SLC24A1: variants seen among roughly 807,000 people sequenced by gnomAD.
SLC24A1 encodes the protein sodium/potassium/calcium exchanger 1.
Under a neutral mutation model 88.1 loss-of-function variants are expected in SLC24A1, and 52 were observed. The observed-to-expected ratio is 0.59, with a 90% CI of 0.47 to 0.74. The LOEUF (loss-of-function observed/expected upper bound fraction) is 0.74, where lower values mean the gene tolerates loss of function less well. Ranked by LOEUF, SLC24A1 falls within the 30% of genes least tolerant of loss-of-function variation. The pLI, the probability that SLC24A1 is intolerant of heterozygous loss-of-function variation, is 0.00. For missense variants in SLC24A1, 1,173 were observed against 1,363.3 expected (o/e 0.86, Z 2.20); for synonymous variants, 455 against 498.0 (o/e 0.91, Z 1.15).
At chr15:65,619,551 AAAAAGAAAT>A (rs897993748), upstream of SLC24A1, among the ~76,000 whole-genome samples, 10 of 152,214 alleles carry the variant, frequency 6.6e-5, no homozygotes, top group African/African-American at 2.2e-4. Context: ...TTAAAAAAAA[AAAAAGAAAT>A]AAAATTTGCG....
upstream of SLC24A1, among the ~76,000 whole-genome samples, chr15:65,618,643 C>T (rs566988305): frequency 1.5e-4 from 23 of 152,136 alleles, no homozygotes; most frequent in African/African-American, 4.1e-4. Flanking sequence ...CCGGTATCTT[C>T]GATGGCACTG....
rs1225248515 is a variant in SLC24A1, at chr15:65,650,156, C to A, written c.2233-226C>A. Among the ~76,000 whole-genome samples the A allele has an allele frequency of 1.3e-5, 2 of 152,214 alleles. No homozygotes were observed. Among genetic ancestry groups the A allele is most frequent in the Non-Finnish European group, 2.9e-5 (2 of 68,036 alleles). ...GTGCCAAAGATGACAGAAGCTGCTT[C>A]AGGTGGTGAGCTTTCCACCCCTGGA... On this transcript the variant is annotated intron_variant, in intron 6 of 9. Transcript: ENST00000261892. This position sits in a 1 kb window ranked among gnomAD's most constrained non-coding sequence, Gnocchi z 4.1.
chr15:65,624,123 C>T lies in SLC24A1; in HGVS notation c.43C>T (p.Leu15Phe), dbSNP rs769899397. The T allele has an allele frequency of 1.2e-6, 2 of 1,611,876 alleles. No homozygotes were observed. The highest frequency in any genetic ancestry group is 2.2e-5 in the East Asian group (1 of 44,854). Reference sequence around the variant, plus strand: ...GATGGGGCCGCAAGAGAGGTGGTTACTCCGGACAAAGCGGCTTCATTGGAG... The same window carrying T: ...GATGGGGCCGCAAGAGAGGTGGTTATTCCGGACAAAGCGGCTTCATTGGAG... ...IRMGPQERWL[L>F]RTKRLHWSRL... is the part of the protein sequence containing the mutation. The change falls in exon 2 of 10, where the codon CTC becomes TTC. Residue 15 changes from leucine (L) to phenylalanine (F), a missense_variant. By Grantham distance (22) the Leu-to-Phe change is conservative. Transcript: ENST00000261892.
In SLC24A1 at chr15:65,650,666, T is replaced by C; in HGVS notation, c.2517T>C (p.Gly839=). Residue 839 remains glycine, a synonymous_variant, in exon 7 of 10, where the codon GGT becomes GGC. Coordinates refer to ENST00000261892, the MANE Select transcript of SLC24A1 (RefSeq NM_004727.3). The surrounding 1 kb of genome is among the most constrained non-coding windows in gnomAD (Gnocchi z 4.1). ...ESQELSAENH[G]EAKNDEKGVE... ...AGGAACTCAGTGCTGAAAATCACGG[T>C]GAAGCCAAAAATGATGAGAAAGGTG... The C allele has an allele frequency of 6.5e-7, 1 of 1,545,974 alleles. No individual in the cohort carries two copies. Among genetic ancestry groups the C allele is most frequent in the Non-Finnish European group, 8.7e-7 (1 of 1,143,708 alleles).
chr15:65,617,072 C>T (rs2074169356), upstream of SLC24A1, among the ~76,000 whole-genome samples: 2 of 152,080 alleles, frequency 1.3e-5, no homozygotes, highest in South Asian at 4.2e-4. Context: ...TGTTCTGTTC[C>T]GTTGGTCTAT....
chr15:65,614,992 A>C (rs1380028645), intron 2 of SLC24A1, among the ~76,000 whole-genome samples: 2 of 152,228 alleles, frequency 1.3e-5, no homozygotes, highest in African/African-American at 4.8e-5. Context: ...GAGGCAGGAG[A>C]ATCGCTTGAG....
chr15:65,620,228 G>A (rs572553152), upstream of SLC24A1, among the ~76,000 whole-genome samples: 2 of 151,950 alleles, frequency 1.3e-5, no homozygotes, highest in African/African-American at 2.4e-5. Context: ...GAGTTCACCC[G>A]CTAGTAAGAG....
Position 65,655,258 on chromosome 15 carries a change from T to A in SLC24A1, c.*1179T>A. The A allele has an allele frequency of 1.0e-6, 1 of 985,248 alleles. No homozygotes were observed. The highest frequency in any genetic ancestry group is 1.2e-6 in the Non-Finnish European group (1 of 830,002). 61.0% of individuals were successfully genotyped at this position (985,248 alleles called of 1,614,324 possible). A position where few individuals can be genotyped will look rare whatever the true frequency, so the allele number is the denominator to read the frequency against. On this transcript the variant is annotated 3_prime_UTR_variant, in exon 10 of 10. Coordinates refer to ENST00000261892, the MANE Select transcript of SLC24A1 (RefSeq NM_004727.3). ...GTAGCGCCACATCTGGTTTATAAAG[T>A]AAGAGATCCAGTGGGACAATGCTAT... is the stretch of plus-strand genomic sequence containing the variant.
In SLC24A1 at chr15:65,650,751, GAGC is replaced by G; in HGVS notation, c.2605_2607del (p.Gln869del). The G allele has an allele frequency of 6.2e-7, 1 of 1,602,380 alleles. No homozygotes were observed. The highest frequency in any genetic ancestry group is 8.5e-7 in the Non-Finnish European group (1 of 1,174,692). On this transcript the variant is annotated inframe_deletion, in exon 7 of 10. Coordinates refer to ENST00000261892, the MANE Select transcript of SLC24A1 (RefSeq NM_004727.3). This position sits in a 1 kb window ranked among gnomAD's most constrained non-coding sequence, Gnocchi z 4.1. ...CGAAGAGGAGGAAGAGGAGGAGGAA[GAGC>G]AGGAGGAAGAGGAGGAGGAGGAAGA...
chr15:65,639,632 C>G lies in SLC24A1; in HGVS notation c.1982C>G (p.Ser661Cys). ...SLLTRGSSST[S>C]LHNSTIRSTI... ...CTGACCCGAGGGAGCAGCTCGACCTCTCTGCACAACAGCACCATCCGCAGC... is the reference window on the plus strand; with the variant it reads ...CTGACCCGAGGGAGCAGCTCGACCTGTCTGCACAACAGCACCATCCGCAGC... Residue 661 changes from serine to cysteine, a missense_variant, in exon 4 of 10, where the codon TCT (serine) becomes TGT (cysteine). Transcript: ENST00000261892. 5.6e-6 allele frequency: 9 copies of G among 1,612,794 alleles called. No individual in the cohort carries two copies. Among genetic ancestry groups the G allele is most frequent in the Non-Finnish European group, 7.6e-6 (9 of 1,179,458 alleles).
chr15:65,615,425 G>GT (rs1204756188), intron 2 of SLC24A1, among the ~76,000 whole-genome samples: 1 of 152,208 alleles, frequency 6.6e-6, no homozygotes, highest in African/African-American at 2.4e-5. Flanking sequence ...GCTCACGCCT[G>GT]TAATTCCAGC....
At chr15:65,656,816 G>GA (rs1254883384), downstream of SLC24A1, among the ~76,000 whole-genome samples, 4 of 152,172 alleles carry the variant, frequency 2.6e-5, no homozygotes, top group East Asian at 3.8e-4. Flanking sequence ...TATAGTACCA[G>GA]AAAAAAGAGA....
Position 65,650,326 on chromosome 15 carries a change from T to G in SLC24A1, c.2233-56T>G, listed in dbSNP as rs781276336. ...CCAACAAAAAAATGGGGGAGTAACA[T>G]AAGGAAAACAAGCAGAGCAGTTACC... On this transcript the variant is annotated intron_variant, in intron 6 of 9. Transcript: ENST00000261892. The surrounding 1 kb of genome is among the most constrained non-coding windows in gnomAD (Gnocchi z 4.1). 1.1e-5 allele frequency: 16 copies of G among 1,421,612 alleles called. No homozygotes were observed. The highest frequency in any genetic ancestry group is 1.4e-5 in the African/African-American group (1 of 69,318). 88.1% of individuals were successfully genotyped at this position (1,421,612 alleles called of 1,614,324 possible).
chr15:65,611,369 C>G (rs1473606469), upstream of SLC24A1: 2 of 605,802 alleles, frequency 3.3e-6, no homozygotes, highest in African/African-American at 1.9e-5. Context: ...CAACTTCTCT[C>G]GAGCCTTGGC....
upstream of SLC24A1, among the ~76,000 whole-genome samples, chr15:65,617,352 A>G (rs1167471326): frequency 6.6e-6 from 1 of 152,264 alleles, no homozygotes; most frequent in African/African-American, 2.4e-5. Context: ...GATTCTTCCT[A>G]TCCGTGAGCA....
downstream of SLC24A1, chr15:65,660,419 C>CT: frequency 6.1e-6 from 5 of 821,690 alleles, no homozygotes; most frequent in Non-Finnish European, 9.5e-6. Context: ...ACTCTACTGG[C>CT]TTTATACACC....
chr15:65,656,510 A>G (rs559465616), downstream of SLC24A1, among the ~76,000 whole-genome samples: 2 of 152,378 alleles, frequency 1.3e-5, no homozygotes, highest in Non-Finnish European at 2.9e-5. Context: ...CAAACGTACT[A>G]TAATATTAAA....
intron 2 of SLC24A1, among the ~76,000 whole-genome samples, chr15:65,635,692 G>GC (rs529392350): frequency 3.3e-3 from 502 of 152,138 alleles, no homozygotes; most frequent in Non-Finnish European, 4.9e-3. Context: ...CATTCATTTA[G>GC]CAATGTGTAT....
rs2074491022 is a variant in SLC24A1, at chr15:65,625,758, C to T, written c.1678C>T (p.Arg560Cys). 4.3e-6 allele frequency: 7 copies of T among 1,614,018 alleles called. No individual in the cohort carries two copies. Among genetic ancestry groups the T allele is most frequent in the Non-Finnish European group, 5.9e-6 (7 of 1,179,872 alleles). ...ILNLTWWPLF[R>C]DVSFYILDLI... The stretch of plus-strand genomic sequence containing the variant: ...CAACCTCACCTGGTGGCCCTTATTC[C>T]GTGATGTCTCCTTCTACATCCTTGA... The change falls in exon 2 of 10, where the codon CGT becomes TGT. Residue 560 changes from arginine (R) to cysteine (C), a missense_variant. Arg to Cys is a radical substitution (Grantham distance 180). Coordinates refer to ENST00000261892, the MANE Select transcript of SLC24A1 (RefSeq NM_004727.3).
Sources: gnomAD v4.1 joint callset for allele counts (sites outside exome capture counted in the v4.1 genomes callset) on GRCh38, gnomAD v4.1.1 for gene constraint, Gnocchi (gnomAD v3.1) non-coding constraint, MANE v1.5 for transcripts, NCBI Gene and HGNC (gene_info 2026-07-23, HGNC 2026-07-21) for gene names.